FRMD4B: variants seen among roughly 807,000 people sequenced by gnomAD.
The protein encoded by FRMD4B is FERM domain-containing protein 4B.
A neutral mutation model predicts 141.5 loss-of-function variants in FRMD4B; 74 were observed. The ratio of observed to expected loss-of-function variants is 0.52; its 90% CI spans 0.43 to 0.63. FRMD4B has a LOEUF of 0.63. FRMD4B is among the 30% of genes least tolerant of loss of function. FRMD4B has a pLI of 0.00. For missense variants in FRMD4B, 1,366 were observed against 1,253.4 expected (o/e 1.09, Z -1.36); for synonymous variants, 506 against 467.9 (o/e 1.08, Z -1.05).
rs971877990 is a variant in FRMD4B at position 69,478,663 on chromosome 3, GAA to G, written c.-128-45904_-128-45903del. Among the ~76,000 whole-genome samples the G allele has an allele frequency of 2.1e-3, 320 of 152,244 alleles. 2 individuals carry two copies. Among genetic ancestry groups the G allele is most frequent in the African/African-American group, 7.2e-3 (298 of 41,538 alleles). On this transcript the variant is annotated intron_variant, in intron 1 of 5. Transcript: ENST00000459638. The stretch of plus-strand genomic sequence containing the variant: ...TTAGGAATAGGTGTGGTGTGGTGCT[GAA>G]AAAAGTGTATATTCTGTTGATTTGG...
intron 1 of FRMD4B, among the ~76,000 whole-genome samples, chr3:69,449,328 T>C (rs1228043081): frequency 6.6e-6 from 1 of 152,234 alleles, no homozygotes; most frequent in Non-Finnish European, 1.5e-5. Flanking sequence ...ACAACGAAGA[T>C]TGTGTTCTAA....
At chr3:69,360,595 C>T (rs970071276) in intron 1 of FRMD4B, among the ~76,000 whole-genome samples, 2 of 152,188 alleles carry the variant, frequency 1.3e-5, no homozygotes, top group Non-Finnish European at 1.5e-5. Context: ...TCTCCTCTCT[C>T]TCTCATTGCA....
rs79403073 is a variant in FRMD4B at position 69,200,759 on chromosome 3, C to A, written c.877-1985G>T. On this transcript the variant is annotated intron_variant, in intron 11 of 22. Transcript: ENST00000398540. ...AAGTAAGTTGCTTTGAATCCAAGGACGAATTTCACCGGAGGCTGTTTTAGG... is the reference window on the plus strand; with the variant it reads ...AAGTAAGTTGCTTTGAATCCAAGGAAGAATTTCACCGGAGGCTGTTTTAGG... 4.0e-5 allele frequency: 40 copies of A among 998,846 alleles called. No homozygotes were observed. In the East Asian group the frequency reaches 2.3e-3, roughly 57 times the overall value. The allele number at this position is 998,846 out of a possible 1,614,324, so 61.9% of individuals were successfully genotyped here. A position where few individuals can be genotyped will look rare whatever the true frequency, so the allele number is the denominator to read the frequency against.
intron 1 of FRMD4B, among the ~76,000 whole-genome samples, chr3:69,508,942 T>C (rs1706642806): frequency 6.6e-6 from 1 of 152,240 alleles, no homozygotes; most frequent in South Asian, 2.1e-4. Flanking sequence ...GTTGTAGAGC[T>C]AGAATTCGAA....
chr3:69,348,413 G>C (rs1314213102), intron 1 of FRMD4B, among the ~76,000 whole-genome samples: 7 of 152,170 alleles, frequency 4.6e-5, no homozygotes, highest in Admixed American at 2.6e-4. Context: ...GTACAAGGAG[G>C]AACTGGTACC....
chr3:69,454,652 C>T (rs1705558483), intron 1 of FRMD4B, among the ~76,000 whole-genome samples: 1 of 152,202 alleles, frequency 6.6e-6, no homozygotes, highest in African/African-American at 2.4e-5. Flanking sequence ...CTAATTCTGG[C>T]CAGGCCTCAG....
At chr3:69,474,802 T>C (rs912077071) in intron 1 of FRMD4B, among the ~76,000 whole-genome samples, 3 of 152,132 alleles carry the variant, frequency 2.0e-5, no homozygotes, top group Non-Finnish European at 4.4e-5. Context: ...CCTGCCTTCA[T>C]AGAGACTACT....
intron 5 of FRMD4B, among the ~76,000 whole-genome samples, chr3:69,273,533 C>T (rs544979892): frequency 3.7e-4 from 56 of 152,260 alleles, no homozygotes; most frequent in African/African-American, 1.3e-3. Context: ...ACAGTAGCTC[C>T]ACCTTAGGGA....
intron 1 of FRMD4B, among the ~76,000 whole-genome samples, chr3:69,371,629 T>A (rs546586299): frequency 6.6e-6 from 1 of 152,224 alleles, no homozygotes; most frequent in Admixed American, 6.5e-5. Flanking sequence ...GGCCCCAGGA[T>A]CATGGTGATG....
chr3:69,196,533 G>A (rs2092906561), intron 13 of FRMD4B, 137 bp from the exon 14 acceptor site: 3 of 440,482 alleles, frequency 6.8e-6, no homozygotes, highest in Non-Finnish European at 1.1e-5. Flanking sequence ...GCATTCTTCA[G>A]ACCAAAAAAC....
intron 9 of FRMD4B, among the ~76,000 whole-genome samples, chr3:69,221,479 A>G (rs952338460): frequency 2.4e-4 from 37 of 152,196 alleles, no homozygotes; most frequent in Non-Finnish European, 4.3e-4. Context: ...CTTCCCAATG[A>G]GATAAGATTT....
intron 3 of FRMD4B, among the ~76,000 whole-genome samples, chr3:69,307,486 G>A (rs1161795128): frequency 2.0e-5 from 3 of 151,858 alleles, no homozygotes; most frequent in Non-Finnish European, 2.9e-5. Flanking sequence ...GATTACAGGC[G>A]CCCACCACCA....
intron 1 of FRMD4B, among the ~76,000 whole-genome samples, chr3:69,496,644 AGAGAGAGAGAG>A (rs1706401690): frequency 1.1e-5 from 1 of 94,152 alleles, no homozygotes; most frequent in African/African-American, 5.0e-5. Context: ...AGAAAGAGAG[AGAGAGAGAGAG>A]AGAGAGAGAG....
intron 5 of FRMD4B, among the ~76,000 whole-genome samples, chr3:69,267,628 TATATATATAGAG>T (rs2093572184): frequency 9.2e-4 from 11 of 11,942 alleles, no homozygotes; most frequent in African/African-American, 3.0e-3. Flanking sequence ...TATATATATA[TATATATATAGAG>T]AGAGAGAGAG....
intron 1 of FRMD4B, among the ~76,000 whole-genome samples, chr3:69,338,640 C>T (rs1702634614): frequency 6.6e-6 from 1 of 152,102 alleles, no homozygotes; most frequent in Admixed American, 6.5e-5. Flanking sequence ...ATTGAGTACA[C>T]ATGGACACAA....
Position 69,171,786 on chromosome 3 carries a change from C to T in FRMD4B, c.*75G>A. ...TTTAGGTTTCTAAAACGAACATCCT[C>T]TCGGAAGACAAATACAATTTGCAAG... On this transcript the variant is annotated 3_prime_UTR_variant, in exon 23 of 23. Coordinates refer to ENST00000398540, the MANE Select transcript of FRMD4B (RefSeq NM_015123.3). 1.4e-6 allele frequency: 2 copies of T among 1,474,814 alleles called. No homozygotes were observed. Among genetic ancestry groups the T allele is most frequent in the Non-Finnish European group, 1.9e-6 (2 of 1,065,664 alleles). The allele number at this position is 1,474,814 out of a possible 1,614,324, so 91.4% of individuals were successfully genotyped here.
At chr3:69,460,755 T>G (rs892955307) in intron 1 of FRMD4B, among the ~76,000 whole-genome samples, 1 of 152,166 alleles carries the variant, frequency 6.6e-6, no homozygotes, top group Non-Finnish European at 1.5e-5. Flanking sequence ...GCACACAGCT[T>G]CCTGAGCCCT....
chr3:69,254,481 C>CTTATTA (rs2093480998), intron 5 of FRMD4B, among the ~76,000 whole-genome samples: 7 of 152,252 alleles, frequency 4.6e-5, no homozygotes, highest in Admixed American at 4.6e-4. Context: ...AAATACCTCT[C>CTTATTA]CATAGATTAC....
At chr3:69,468,036 A>C (rs946809770) in intron 1 of FRMD4B, among the ~76,000 whole-genome samples, 1 of 152,216 alleles carries the variant, frequency 6.6e-6, no homozygotes, top group African/African-American at 2.4e-5. Context: ...TGATTAACAG[A>C]GTTTTTGACA....
Sources: allele counts gnomAD v4.1 joint callset (sites outside exome capture counted in the v4.1 genomes callset), GRCh38; gene constraint gnomAD v4.1.1; transcripts MANE v1.5; gene names NCBI Gene and HGNC (gene_info 2026-07-23, HGNC 2026-07-21).